COA1: variants seen among roughly 807,000 people sequenced by gnomAD.
COA1 encodes cytochrome c oxidase assembly factor 1, also known as cytochrome c oxidase assembly factor 1 homolog.
COA1 carries 13 observed loss-of-function variants against 16.0 expected under a neutral mutation model. That is an observed-to-expected ratio of 0.81 (90% confidence interval 0.53 to 1.29). COA1 has a LOEUF of 1.29. Ranked by LOEUF, COA1 falls within the 50% of genes most tolerant of loss-of-function variation. The pLI is 0.00. For missense variants in COA1, 179 were observed against 177.0 expected, an observed-to-expected ratio of 1.01 and a Z score of -0.06; for synonymous variants, 65 against 65.7, an observed-to-expected ratio of 0.99 and a Z score of 0.05.
chr7:43,648,529 C>A, intron 2 of COA1, 71 bp downstream of exon 2: 3 of 1,521,068 alleles, frequency 2.0e-6, no homozygotes, highest in Non-Finnish European at 2.7e-6. Flanking sequence ...GAGTGACTTT[C>A]TTCTATTGTC....
chr7:43,704,994 T>C (rs542731065), intron 1 of COA1, among the ~76,000 whole-genome samples: 9 of 152,334 alleles, frequency 5.9e-5, no homozygotes, highest in African/African-American at 1.2e-4. Context: ...TTTATATTCT[T>C]TGATGCTCCT....
Position 43,700,619 on chromosome 7 carries a change from TTA to T in COA1, c.-39+28808_-39+28809del, listed in dbSNP as rs2094699789. Among the ~76,000 whole-genome samples, 3 of 150,196 alleles carry T rather than the reference TTA, an allele frequency of 2.0e-5. No homozygotes were observed. In the South Asian group the frequency reaches 6.4e-4, roughly 32 times the overall value. On this transcript the variant is annotated intron_variant, in intron 1 of 5. Coordinates refer to ENST00000223336, the MANE Select transcript of COA1 (RefSeq NM_018224.4). ...GTGTGTGTGTGTGTGTGTGTGTGTG[TTA>T]GAGTAAGGTACCTAAATAGCTACTT... is the stretch of plus-strand genomic sequence containing the variant.
Position 43,610,867 on chromosome 7 carries a change from A to C in COA1, c.*134-1372T>G, listed in dbSNP as rs528499398. Among the ~76,000 whole-genome samples the C allele has an allele frequency of 3.3e-5, 5 of 152,278 alleles. No individual in the cohort carries two copies. In the South Asian group the frequency reaches 1.0e-3, roughly 32 times the overall value. On this transcript the variant is annotated intron_variant and NMD_transcript_variant, in intron 6 of 6. Coordinates refer to the COA1 transcript ENST00000415076. ...CGCAGTGGCTCATGCCTGTAATCCC[A>C]GCACTTTGGGAGGTCAAGGAGGGCA...
At chr7:43,670,065 T>G (rs900414132) in intron 1 of COA1, among the ~76,000 whole-genome samples, 2 of 152,090 alleles carry the variant, frequency 1.3e-5, no homozygotes, top group Admixed American at 1.3e-4. Context: ...AACACAAATA[T>G]AAAGGATTCC....
intron 1 of COA1, among the ~76,000 whole-genome samples, chr7:43,728,778 C>T (rs1159426355): frequency 6.6e-6 from 1 of 152,166 alleles, no homozygotes; most frequent in Non-Finnish European, 1.5e-5. Flanking sequence ...CAATAGCCCT[C>T]CGGGGAGAAT....
At chr7:43,680,830 G>A (rs3779059) in intron 1 of COA1, among the ~76,000 whole-genome samples, 65,763 of 151,858 alleles carry the variant, frequency 0.43, 14,700 homozygotes, top group African/African-American at 0.55. Flanking sequence ...AATTAGCCAA[G>A]TATGGTGGCG....
chr7:43,704,088 C>G (rs2094871088), intron 1 of COA1, among the ~76,000 whole-genome samples: 1 of 152,184 alleles, frequency 6.6e-6, no homozygotes, highest in African/African-American at 2.4e-5. Flanking sequence ...CTTAGTTTGG[C>G]CAGACATAAA....
At chr7:43,664,127 G>GAGAGAGAGAGAGAGAGAGAT (rs1231238244) in intron 1 of COA1, among the ~76,000 whole-genome samples, 3 of 150,786 alleles carry the variant, frequency 2.0e-5, no homozygotes, top group African/African-American at 7.4e-5. Context: ...GAGAGAGAGA[G>GAGAGAGAGAGAGAGAGAGAT]AGAGTCTTGC....
rs1016829899 is a variant in COA1 at position 43,610,373 on chromosome 7, A to G, written c.*134-878T>C. On this transcript the variant is annotated intron_variant and NMD_transcript_variant, in intron 6 of 6. Transcript: ENST00000415076. ...AAAAAAAAAAAAAAAAAAAAAAAAG[A>G]CTTGCTATATGGCCAGGTGTGGTGG... Among the ~76,000 whole-genome samples the G allele has an allele frequency of 3.5e-4, 42 of 121,692 alleles. 1 individual carries two copies. The highest frequency in any genetic ancestry group is 2.9e-3 in the South Asian group (11 of 3,808). The allele number at this position is 121,692 out of a possible 152,430, so 79.8% of individuals were successfully genotyped here.
At chr7:43,639,741 T>A (rs2086590516) in intron 5 of COA1, 60 bp from the exon 6 acceptor site, 1 of 1,357,362 alleles carries the variant, frequency 7.4e-7, no homozygotes, top group Non-Finnish European at 1.0e-6. Flanking sequence ...ACAGCCGTAG[T>A]CAAAAAAAGG....
At chr7:43,627,364 AG>A (rs1286964647) in intron 6 of COA1, among the ~76,000 whole-genome samples, 3 of 152,230 alleles carry the variant, frequency 2.0e-5, no homozygotes, top group Non-Finnish European at 4.4e-5. Flanking sequence ...AATGTATTAA[AG>A]GGTTATAAAG....
At chr7:43,691,416 A>AAGG (rs1563385275) in intron 1 of COA1, among the ~76,000 whole-genome samples, 11 of 89,966 alleles carry the variant, frequency 1.2e-4, no homozygotes, top group African/African-American at 2.3e-4. Flanking sequence ...AGGAAGGAAG[A>AAGG]AAGAAAAAGA....
At chr7:43,684,221 A>G (rs1035577973) in intron 1 of COA1, among the ~76,000 whole-genome samples, 7 of 152,150 alleles carry the variant, frequency 4.6e-5, no homozygotes, top group African/African-American at 1.4e-4. Context: ...CACTCAAACT[A>G]CATCCCTCAT....
chr7:43,668,973 T>C (rs1370860821), intron 1 of COA1, among the ~76,000 whole-genome samples: 1 of 152,210 alleles, frequency 6.6e-6, no homozygotes, highest in Admixed American at 6.5e-5. Flanking sequence ...TTGGACCCTG[T>C]ATACTCAATA....
At chr7:43,686,790 C>T (rs2094055032) in intron 1 of COA1, among the ~76,000 whole-genome samples, 1 of 152,158 alleles carries the variant, frequency 6.6e-6, no homozygotes, top group African/African-American at 2.4e-5. Context: ...TCAAAGCATG[C>T]TTGCCTTTGT....
intron 1 of COA1, 48 bp from the exon 2 acceptor site, chr7:43,648,700 G>A: frequency 7.1e-7 from 1 of 1,399,490 alleles, no homozygotes; most frequent in Non-Finnish European, 1.0e-6. Flanking sequence ...TTAAAGCCCA[G>A]TTCTCTCTAG....
intron 6 of COA1, among the ~76,000 whole-genome samples, chr7:43,616,947 CCT>C (rs919603506): frequency 2.6e-5 from 4 of 152,146 alleles, no homozygotes; most frequent in African/African-American, 7.2e-5. Flanking sequence ...TATTGTAGCC[CCT>C]CTCATCTATG....
chr7:43,696,800 C>T lies in COA1; in HGVS notation c.-39+32629G>A, dbSNP rs147720847. Among the ~76,000 whole-genome samples the T allele has an allele frequency of 2.9e-3, 444 of 152,006 alleles. 6 individuals are homozygous for T. The highest frequency in any genetic ancestry group is 1.0e-2 in the African/African-American group (415 of 41,514). On this transcript the variant is annotated intron_variant, in intron 1 of 5. Transcript: ENST00000223336. ...GGGAAGATTACACAGGGTGCTTCAACTGTATCCATTTTGTTTTCTTTCTTT... is the reference window on the plus strand; with the variant it reads ...GGGAAGATTACACAGGGTGCTTCAATTGTATCCATTTTGTTTTCTTTCTTT...
At chr7:43,681,742 G>T (rs1393427016) in intron 1 of COA1, among the ~76,000 whole-genome samples, 1 of 152,158 alleles carries the variant, frequency 6.6e-6, no homozygotes, top group African/African-American at 2.4e-5. Flanking sequence ...AAGTTGGGCT[G>T]ATTTAAAATC....
Sources: allele counts gnomAD v4.1 joint callset (sites outside exome capture counted in the v4.1 genomes callset), GRCh38; gene constraint gnomAD v4.1.1; transcripts MANE v1.5; gene names NCBI Gene and HGNC (gene_info 2026-07-23, HGNC 2026-07-21).